TNKS: variants seen among roughly 807,000 people sequenced by gnomAD.
TNKS encodes tankyrase.
A neutral mutation model predicts 135.8 loss-of-function variants in TNKS; 72 were observed. The ratio of observed to expected loss-of-function variants is 0.53; its 90% CI spans 0.44 to 0.64. TNKS has a LOEUF of 0.64. TNKS is among the 30% of genes least tolerant of loss of function. The pLI is 0.00. For synonymous variants in TNKS, 849 were observed against 649.3 expected (o/e 1.31, Z -4.68); for missense variants, 1,769 against 1,674.0 (o/e 1.06, Z -0.99).
At chr8:9,721,312 A>AT (rs1804872071) in intron 12 of TNKS, among the ~76,000 whole-genome samples, 47 of 144,456 alleles carry the variant, frequency 3.3e-4, no homozygotes, top group South Asian at 6.5e-4. Flanking sequence ...ATATATATAT[A>AT]AAATTATAAA....
At chr8:9,660,868 T>C (rs947855544) in intron 3 of TNKS, among the ~76,000 whole-genome samples, 1 of 152,276 alleles carries the variant, frequency 6.6e-6, no homozygotes, top group Non-Finnish European at 1.5e-5. Flanking sequence ...CTCCTTAAGC[T>C]GATAAGCAAC....
intron 5 of TNKS, among the ~76,000 whole-genome samples, chr8:9,684,269 T>C (rs1802897924): frequency 6.6e-6 from 1 of 152,094 alleles, no homozygotes; most frequent in Non-Finnish European, 1.5e-5. Flanking sequence ...TATATCAGTA[T>C]CAGATGTTTT....
rs556873102 is a variant in TNKS, at chr8:9,591,698, A to G, written c.898+11315A>G. The stretch of plus-strand genomic sequence containing the variant: ...TGTGTATTGTGAATGCTATTTCCCA[A>G]TCTTTGCTTTGCTTTTCGTTTTCTT... On this transcript the variant is annotated intron_variant, in intron 2 of 26. Transcript: ENST00000310430. 1.6e-4 allele frequency among the ~76,000 whole-genome samples: 24 copies of G among 152,278 alleles called. No homozygotes were observed. The South Asian group carries it at 4.4e-3, about 28-fold the overall frequency.
chr8:9,633,857 C>T (rs1224542768), intron 3 of TNKS, among the ~76,000 whole-genome samples: 2 of 152,022 alleles, frequency 1.3e-5, no homozygotes, highest in Non-Finnish European at 2.9e-5. Flanking sequence ...CGCATTTAAG[C>T]CTTGAGATGA....
chr8:9,747,027 C>G, intron 17 of TNKS, among the ~76,000 whole-genome samples: 1 of 151,768 alleles, frequency 6.6e-6, no homozygotes, highest in South Asian at 2.1e-4. Context: ...GGATTACAGG[C>G]ATGCACCACC....
At chr8:9,585,814 C>T (rs1347729638) in intron 2 of TNKS, among the ~76,000 whole-genome samples, 4 of 152,132 alleles carry the variant, frequency 2.6e-5, no homozygotes, top group Non-Finnish European at 4.4e-5. Context: ...GAATATCTTT[C>T]TTGGGAGCGC....
At chr8:9,631,880 A>G (rs1460532120) in intron 3 of TNKS, among the ~76,000 whole-genome samples, 1 of 152,148 alleles carries the variant, frequency 6.6e-6, no homozygotes, top group East Asian at 1.9e-4. Context: ...ACATGCTTTA[A>G]TGGTTTACTC....
chr8:9,773,254 A>G (rs2128843652), intron 26 of TNKS, among the ~76,000 whole-genome samples: 1 of 152,290 alleles, frequency 6.6e-6, no homozygotes, highest in South Asian at 2.1e-4. Flanking sequence ...TAAAAAATTT[A>G]AACAACCTAA....
intron 5 of TNKS, among the ~76,000 whole-genome samples, chr8:9,684,810 G>A (rs1481554049): frequency 1.3e-5 from 2 of 152,094 alleles, no homozygotes; most frequent in Non-Finnish European, 2.9e-5. Flanking sequence ...CTATATGGTT[G>A]ATGGTACTGG....
chr8:9,692,400 G>A (rs1803318423), intron 5 of TNKS, among the ~76,000 whole-genome samples: 2 of 152,166 alleles, frequency 1.3e-5, no homozygotes, highest in Non-Finnish European at 1.5e-5. Flanking sequence ...ACTTTGTGAG[G>A]AAGTCAGCAC....
At chr8:9,729,543 C>G (rs1028098928) in intron 13 of TNKS, among the ~76,000 whole-genome samples, 2 of 152,098 alleles carry the variant, frequency 1.3e-5, no homozygotes, top group East Asian at 1.9e-4. Flanking sequence ...GGAAAGTAAG[C>G]GATGATGCAT....
chr8:9,560,747 G>A (rs1009367668), intron 1 of TNKS, among the ~76,000 whole-genome samples: 1 of 151,496 alleles, frequency 6.6e-6, no homozygotes, highest in Admixed American at 6.6e-5. Context: ...TAGAAGAAAG[G>A]GACCTAGTTT....
intron 3 of TNKS, among the ~76,000 whole-genome samples, chr8:9,645,703 G>C: frequency 6.6e-6 from 1 of 152,092 alleles, no homozygotes; most frequent in East Asian, 1.9e-4. Flanking sequence ...AGATTATTAG[G>C]ACATAGCCCC....
At chr8:9,616,795 C>G (rs938587912) in intron 3 of TNKS, among the ~76,000 whole-genome samples, 1 of 151,930 alleles carries the variant, frequency 6.6e-6, no homozygotes, top group Non-Finnish European at 1.5e-5. Context: ...AGTAATAAAC[C>G]TACTTAAATT....
At chr8:9,702,629 C>T (rs1803862015) in intron 5 of TNKS, among the ~76,000 whole-genome samples, 1 of 152,214 alleles carries the variant, frequency 6.6e-6, no homozygotes, top group African/African-American at 2.4e-5. Flanking sequence ...CTGACAGTAT[C>T]ATTTGCAGTA....
chr8:9,771,428 G>A (rs1361393465), intron 26 of TNKS, among the ~76,000 whole-genome samples: 1 of 100,144 alleles, frequency 1.0e-5, no homozygotes, highest in African/African-American at 3.2e-5. Context: ...CTAAGGAAGG[G>A]AGGGACAGAG....
Position 9,778,268 on chromosome 8 carries a change from T to C in TNKS, c.*1532T>C, listed in dbSNP as rs1248678142. Reference sequence around the variant, plus strand: ...CTACTCTGCTTTGAAGCGAAAGAAATATAAACACGAGGAGGAATAGGAAAG... The same window carrying C: ...CTACTCTGCTTTGAAGCGAAAGAAACATAAACACGAGGAGGAATAGGAAAG... On this transcript the variant is annotated 3_prime_UTR_variant, in exon 27 of 27. Transcript: ENST00000310430. The C allele has an allele frequency of 1.3e-5, 2 of 152,308 alleles. No individual in the cohort carries two copies. Among genetic ancestry groups the C allele is most frequent in the East Asian group, 3.8e-4 (2 of 5,196 alleles). The allele number at this position is 152,308 out of a possible 1,614,324, so 9.4% of individuals were successfully genotyped here.
chr8:9,717,101 A>ATATATATATATATATATATATATATT (rs1454492300), intron 11 of TNKS, among the ~76,000 whole-genome samples: 5 of 119,316 alleles, frequency 4.2e-5, no homozygotes, highest in Non-Finnish European at 9.2e-5. Flanking sequence ...ATATATATAT[A>ATATATATATATATATATATATATATT]TTTTCAGGGA....
chr8:9,621,894 G>T (rs1370405736), intron 3 of TNKS, among the ~76,000 whole-genome samples: 3 of 152,130 alleles, frequency 2.0e-5, no homozygotes, highest in Non-Finnish European at 4.4e-5. Context: ...ATAATAAGAT[G>T]AATTTCTGAT....
Sources: allele counts gnomAD v4.1 joint callset (sites outside exome capture counted in the v4.1 genomes callset), GRCh38; gene constraint gnomAD v4.1.1; transcripts MANE v1.5; gene names NCBI Gene and HGNC (gene_info 2026-07-23, HGNC 2026-07-21).